The following OPRM1 variants were observed in gnomAD, a reference collection of about 807,000 sequenced individuals.
OPRM1 encodes the protein mu-type opioid receptor.
OPRM1 carries 27 observed loss-of-function variants against 31.8 expected under a neutral mutation model. The ratio of observed to expected loss-of-function variants is 0.85; its 90% CI spans 0.63 to 1.17. The LOEUF is 1.17. Ranked by LOEUF, OPRM1 falls within the 50% of genes most tolerant of loss-of-function variation. The pLI, the probability that OPRM1 is intolerant of heterozygous loss-of-function variation, is 0.00. For synonymous variants in OPRM1, 196 were observed against 189.9 expected (o/e 1.03, Z -0.26); for missense variants, 536 against 511.1 (o/e 1.05, Z -0.47).
intron 1 of OPRM1, among the ~76,000 whole-genome samples, chr6:154,048,205 G>C (rs568051802): frequency 6.6e-6 from 1 of 152,224 alleles, no homozygotes; most frequent in East Asian, 1.9e-4. Context: ...TTAAATTAAC[G>C]TTTACGTAAA....
At chr6:154,050,754 T>C (rs1782038153) in intron 1 of OPRM1, among the ~76,000 whole-genome samples, 1 of 152,090 alleles carries the variant, frequency 6.6e-6, no homozygotes, top group Non-Finnish European at 1.5e-5. Flanking sequence ...TAAAATAACA[T>C]AAAGAATGTA....
intron 3 of OPRM1, among the ~76,000 whole-genome samples, chr6:154,151,457 A>G (rs567272264): frequency 2.6e-5 from 4 of 152,266 alleles, no homozygotes; most frequent in African/African-American, 4.8e-5. Context: ...GCTGTCAGTC[A>G]TTGTTGTGGC....
chr6:154,097,980 A>C (rs1285236901), intron 3 of OPRM1, among the ~76,000 whole-genome samples: 1 of 152,316 alleles, frequency 6.6e-6, no homozygotes, highest in East Asian at 1.9e-4. Flanking sequence ...CTGTTATCCT[A>C]GTACTTTGGG....
At chr6:154,012,570 C>T (rs564203670) in intron 1 of OPRM1, among the ~76,000 whole-genome samples, 86 of 152,212 alleles carry the variant, frequency 5.7e-4, no homozygotes, top group Non-Finnish European at 9.6e-4. Context: ...AGGATTTGGT[C>T]ACAATTGCTG....
rs1035099852 is a variant in OPRM1, at chr6:154,127,606, G to A, written c.*8885G>A. Among the ~76,000 whole-genome samples, 5 of 152,056 alleles carry A rather than the reference G, an allele frequency of 3.3e-5. No individual in the cohort carries two copies. Among genetic ancestry groups the A allele is most frequent in the Middle Eastern group, 3.2e-3 (1 of 316 alleles). On this transcript the variant is annotated 3_prime_UTR_variant, in exon 4 of 4. Coordinates refer to ENST00000330432, the MANE Select transcript of OPRM1 (RefSeq NM_000914.5). The stretch of plus-strand genomic sequence containing the variant: ...TCATGACTTGACATTGTGGTGGGCC[G>A]GCTACAACCCTCCCCACCCCTCGCT...
chr6:154,158,899 TG>T (rs1798817944), intron 3 of OPRM1: 1 of 152,176 alleles, frequency 6.6e-6, no homozygotes, highest in African/African-American at 2.4e-5. Flanking sequence ...GTTGCTTCCA[TG>T]GGTTTTTGTT....
At chr6:154,179,606 A>T (rs759728943) in intron 3 of OPRM1, among the ~76,000 whole-genome samples, 2 of 152,204 alleles carry the variant, frequency 1.3e-5, no homozygotes, top group Non-Finnish European at 2.9e-5. Context: ...GTCTTCCTAC[A>T]TAAAACAGCA....
At chr6:154,204,695 A>T (rs1777342388) in intron 3 of OPRM1, among the ~76,000 whole-genome samples, 1 of 152,158 alleles carries the variant, frequency 6.6e-6, no homozygotes, top group Non-Finnish European at 1.5e-5. Flanking sequence ...GTACCATTCT[A>T]GTGGCTTCCT....
At chr6:154,138,540 G>T (rs150925564) in intron 3 of OPRM1, among the ~76,000 whole-genome samples, 13 of 152,254 alleles carry the variant, frequency 8.5e-5, no homozygotes, top group Non-Finnish European at 1.6e-4. Flanking sequence ...TGTGTTTGCC[G>T]GGAAGGAGCG....
chr6:154,106,357 A>G (rs572086460), intron 3 of OPRM1, among the ~76,000 whole-genome samples: 1 of 152,360 alleles, frequency 6.6e-6, no homozygotes, highest in African/African-American at 2.4e-5. Context: ...CTAGGTGTGA[A>G]GCCTGGCCCA....
At chr6:154,238,122 T>C (rs901015563) in intron 3 of OPRM1, among the ~76,000 whole-genome samples, 7 of 152,236 alleles carry the variant, frequency 4.6e-5, no homozygotes, top group Non-Finnish European at 8.8e-5. Flanking sequence ...TTTCTATGTA[T>C]TACTTAGTGA....
At chr6:154,134,116 T>A (rs537314483), downstream of OPRM1, among the ~76,000 whole-genome samples, 14 of 152,368 alleles carry the variant, frequency 9.2e-5, 1 homozygote, top group African/African-American at 3.4e-4. Context: ...AGAAGTCAGA[T>A]GATTAGATTT....
intron 3 of OPRM1, among the ~76,000 whole-genome samples, chr6:154,224,383 T>C (rs2128619456): frequency 1.3e-5 from 2 of 152,228 alleles, no homozygotes; most frequent in South Asian, 4.1e-4. Flanking sequence ...TTATCTAAAT[T>C]ATTCACCTGA....
At chr6:154,043,585 CAATTTGA>C (rs1780514911) in intron 1 of OPRM1, among the ~76,000 whole-genome samples, 2 of 151,438 alleles carry the variant, frequency 1.3e-5, no homozygotes, top group African/African-American at 4.8e-5. Flanking sequence ...ATATTTGAAT[CAATTTGA>C]ATGCATGTCA....
chr6:154,196,391 T>C (rs908460469), intron 3 of OPRM1, among the ~76,000 whole-genome samples: 59 of 152,206 alleles, frequency 3.9e-4, no homozygotes, highest in African/African-American at 1.4e-3. Flanking sequence ...TGCTCTAGAA[T>C]GCCTGCCTCT....
intron 1 of OPRM1, among the ~76,000 whole-genome samples, chr6:154,061,244 A>C (rs1278787699): frequency 6.6e-6 from 1 of 152,128 alleles, no homozygotes; most frequent in Non-Finnish European, 1.5e-5. Flanking sequence ...GACACTCTCC[A>C]TCTAGTAGAA....
chr6:154,067,445 G>A (rs1785681215), intron 1 of OPRM1, among the ~76,000 whole-genome samples: 1 of 151,460 alleles, frequency 6.6e-6, no homozygotes, highest in Admixed American at 6.6e-5. Flanking sequence ...TCACAAACCT[G>A]TGAATTTTCC....
rs1799972 is a variant in OPRM1 at position 154,039,561 on chromosome 6, C to G, written c.17C>G (p.Ala6Gly). 18 of 1,611,974 alleles carry G rather than the reference C, an allele frequency of 1.1e-5. No individual in the cohort carries two copies. The African/African-American group carries it at 2.1e-4, about 19-fold the overall frequency. Residue 6 changes from alanine (A) to glycine (G), a missense_variant, in exon 1 of 4, where the codon GCC becomes GGC. Ala to Gly is a moderately conservative substitution (Grantham distance 60). Coordinates refer to ENST00000330432, the MANE Select transcript of OPRM1 (RefSeq NM_000914.5). ...GTCAGTACCATGGACAGCAGCGCTG[C>G]CCCCACGAACGCCAGCAATTGCACT... MDSSA[A>G]PTNASNCTDA...
At chr6:154,113,931 C>T (rs188796281) in intron 3 of OPRM1, among the ~76,000 whole-genome samples, 4 of 152,234 alleles carry the variant, frequency 2.6e-5, no homozygotes, top group East Asian at 1.9e-4. Context: ...AATGAAGTGG[C>T]GAGTGGTGCC....
Sources: gnomAD v4.1 joint callset for allele counts (sites outside exome capture counted in the v4.1 genomes callset) on GRCh38, gnomAD v4.1.1 for gene constraint, MANE v1.5 for transcripts, NCBI Gene and HGNC (gene_info 2026-07-23, HGNC 2026-07-21) for gene names.